Variants in GON4L observed in about 807,000 individuals in gnomAD.
GON4L encodes the protein GON-4-like protein.
In GON4L, 87 loss-of-function variants were observed where a neutral mutation model predicts 211.8. The ratio of observed to expected loss-of-function variants is 0.41; its 90% CI spans 0.35 to 0.49. The LOEUF (loss-of-function observed/expected upper bound fraction) is 0.49. GON4L is among the 20% of genes least tolerant of loss of function. GON4L has a pLI of 0.15. For missense variants in GON4L, 2,155 were observed against 2,659.5 expected (o/e 0.81, Z 4.17); for synonymous variants, 875 against 962.6 (o/e 0.91, Z 1.68).
At chr1:155,791,925 CACATA>C (rs1483504308) in intron 12 of GON4L, among the ~76,000 whole-genome samples, 6 of 133,790 alleles carry the variant, frequency 4.5e-5, no homozygotes, top group African/African-American at 2.0e-4. Flanking sequence ...AACATAACAT[CACATA>C]ACATAACATA....
In GON4L at chr1:155,757,288, G is replaced by A. The variant is rs919809412; in HGVS notation, c.5289C>T (p.His1763=). 25 of 1,613,684 alleles carry A rather than the reference G, an allele frequency of 1.5e-5. No individual in the cohort carries two copies. Among genetic ancestry groups the A allele is most frequent in the African/African-American group, 2.7e-5 (2 of 74,878 alleles). ...TAGAAAACTCATCCTGCAGGTGGTC[G>A]TGGCCCTTGAGGAGCTGCCACATCT... The part of the protein sequence containing the change: ...KTQMWQLLKG[H]DHLQDEFSIF... Residue 1763 remains histidine (H), a synonymous_variant, in exon 26 of 32, where the codon CAC becomes CAT. Transcript: ENST00000368331.
chr1:155,850,738 A>T (rs776925271), intron 2 of GON4L, among the ~76,000 whole-genome samples: 4 of 152,134 alleles, frequency 2.6e-5, no homozygotes, highest in Non-Finnish European at 5.9e-5. Context: ...GGCAAAAAAG[A>T]AAACATCTTA....
At chr1:155,759,566 C>T (rs561756833) in intron 24 of GON4L, among the ~76,000 whole-genome samples, 1 of 151,230 alleles carries the variant, frequency 6.6e-6, no homozygotes, top group South Asian at 2.1e-4. Context: ...AAGAGTGAAA[C>T]TCCATCTCAA....
At chr1:155,762,406 T>C (rs1249386174) in intron 22 of GON4L, 32 bp from the exon 23 acceptor site, 1 of 1,555,678 alleles carries the variant, frequency 6.4e-7, no homozygotes, top group Non-Finnish European at 8.8e-7. Flanking sequence ...ATTGTTTCCC[T>C]GTCCCTGCAA....
chr1:155,793,400 C>CAAG (rs1665788065), intron 12 of GON4L, among the ~76,000 whole-genome samples: 1 of 152,162 alleles, frequency 6.6e-6, no homozygotes, highest in African/African-American at 2.4e-5. Context: ...TTAGGTATAT[C>CAAG]TTGGATGTTT....
downstream of GON4L, chr1:155,748,879 C>T (rs971270450): frequency 3.4e-6 from 4 of 1,166,486 alleles, no homozygotes; most frequent in African/African-American, 3.1e-5. Context: ...TGATGTTGTT[C>T]CCTCCCCACC....
chr1:155,832,448 G>GACCA (rs1424141564), intron 2 of GON4L, among the ~76,000 whole-genome samples: 1 of 152,058 alleles, frequency 6.6e-6, no homozygotes, highest in East Asian at 1.9e-4. Context: ...AGACCAGCCT[G>GACCA]ACCAACATGG....
intron 2 of GON4L, among the ~76,000 whole-genome samples, chr1:155,835,098 T>C (rs1215595215): frequency 6.6e-6 from 1 of 152,134 alleles, no homozygotes; most frequent in Non-Finnish European, 1.5e-5. Flanking sequence ...TAGAAATAGG[T>C]AGACATGGGA....
At chr1:155,782,063 T>C (rs1050429574) in intron 14 of GON4L, among the ~76,000 whole-genome samples, 1 of 152,248 alleles carries the variant, frequency 6.6e-6, no homozygotes, top group Non-Finnish European at 1.5e-5. Flanking sequence ...GCCTTGCACC[T>C]AGTTTTAATA....
intron 19 of GON4L, among the ~76,000 whole-genome samples, chr1:155,769,137 G>A (rs796560784): frequency 2.1e-4 from 32 of 151,688 alleles, no homozygotes; most frequent in African/African-American, 7.5e-4. Flanking sequence ...CACCATACCT[G>A]GTCAATTTTT....
downstream of GON4L, chr1:155,748,870 G>A (rs1416048188): frequency 1.5e-6 from 2 of 1,351,574 alleles, no homozygotes; most frequent in Non-Finnish European, 2.1e-6. Flanking sequence ...GCATTCTAAT[G>A]ATGTTGTTCC....
At chr1:155,838,112 T>A (rs1250433845) in intron 2 of GON4L, among the ~76,000 whole-genome samples, 2 of 143,128 alleles carry the variant, frequency 1.4e-5, no homozygotes, top group Non-Finnish European at 3.1e-5. Context: ...ACAAAAAAAA[T>A]TAGCCAGGTG....
At chr1:155,797,186 C>T (rs1452854035) in intron 11 of GON4L, among the ~76,000 whole-genome samples, 1 of 152,002 alleles carries the variant, frequency 6.6e-6, no homozygotes, top group Non-Finnish European at 1.5e-5. Flanking sequence ...TCGATCTCAG[C>T]TCACTGCAAC....
At chr1:155,753,651 G>GT (rs1319563835) in intron 28 of GON4L, among the ~76,000 whole-genome samples, 1 of 152,104 alleles carries the variant, frequency 6.6e-6, no homozygotes, top group Non-Finnish European at 1.5e-5. Flanking sequence ...ATCAGCCTGG[G>GT]TAACATAGTG....
chr1:155,819,309 G>T (rs894006557), intron 6 of GON4L, among the ~76,000 whole-genome samples: 1 of 151,330 alleles, frequency 6.6e-6, no homozygotes, highest in African/African-American at 2.4e-5. Flanking sequence ...AAAATAAAAA[G>T]GGGGGGAGAA....
intron 3 of GON4L, 28 bp downstream of exon 3, chr1:155,826,809 T>A: frequency 6.9e-7 from 1 of 1,448,788 alleles, no homozygotes; most frequent in Non-Finnish European, 9.7e-7. Context: ...AGAGGTTTCA[T>A]TTAATTAAAA....
intron 2 of GON4L, among the ~76,000 whole-genome samples, chr1:155,829,704 T>C (rs988118769): frequency 6.6e-6 from 1 of 152,304 alleles, no homozygotes; most frequent in East Asian, 1.9e-4. Context: ...GTTACAGATA[T>C]GCTCTGAATA....
At chr1:155,832,279 C>CAAAA (rs71080731) in intron 2 of GON4L, among the ~76,000 whole-genome samples, 158 of 57,138 alleles carry the variant, frequency 2.8e-3, no homozygotes, top group African/African-American at 4.0e-3. Context: ...GACTCCGTCT[C>CAAAA]AAAAAAAAAA....
chr1:155,815,558 T>G (rs957860794), intron 8 of GON4L, among the ~76,000 whole-genome samples: 22 of 152,136 alleles, frequency 1.4e-4, no homozygotes, highest in African/African-American at 5.3e-4. Context: ...TGCTATGAGT[T>G]TCATGAGGAT....
Sources: allele counts gnomAD v4.1 joint callset (sites outside exome capture counted in the v4.1 genomes callset), GRCh38; gene constraint gnomAD v4.1.1; transcripts MANE v1.5; gene names NCBI Gene and HGNC (gene_info 2026-07-23, HGNC 2026-07-21).